Variants in CATSPER2 observed in about 807,000 individuals in gnomAD.
The protein encoded by CATSPER2 is cation channel sperm-associated protein 2.
In CATSPER2, 56 loss-of-function variants were observed where a neutral mutation model predicts 68.8. That is an observed-to-expected ratio of 0.81 (90% CI 0.66 to 1.02). The LOEUF (loss-of-function observed/expected upper bound fraction) is 1.02, where lower values mean the gene tolerates loss of function less well. Ranked by LOEUF, CATSPER2 falls within the 50% of genes least tolerant of loss-of-function variation. CATSPER2 has a pLI of 0.00. For missense variants in CATSPER2, 582 were observed against 642.0 expected, an observed-to-expected ratio of 0.91 and a Z score of 1.01; for synonymous variants, 198 against 229.9, an observed-to-expected ratio of 0.86 and a Z score of 1.26.
At chr15:43,644,646 G>A (rs1440710306) in intron 4 of CATSPER2, among the ~76,000 whole-genome samples, 1 of 151,894 alleles carries the variant, frequency 6.6e-6, no homozygotes, top group Non-Finnish European at 1.5e-5. Flanking sequence ...TCTCACAGGA[G>A]GGCGAGCCCT....
intron 7 of CATSPER2, 27 bp downstream of exon 7, chr15:43,638,877 C>A: frequency 1.2e-6 from 2 of 1,611,972 alleles, no homozygotes; most frequent in African/African-American, 2.7e-5. Flanking sequence ...TTTCTCCCCT[C>A]ACCCAGCTGT....
intron 11 of CATSPER2, 33 bp from the exon 12 acceptor site, chr15:43,632,396 T>C (rs2085890455): frequency 4.3e-6 from 7 of 1,611,378 alleles, no homozygotes; most frequent in African/African-American, 4.0e-5. Context: ...AAAGCACGTC[T>C]AGATTTGTAA....
rs35358802 is a variant in CATSPER2 at position 43,634,367 on chromosome 15, C to T, written c.1178+993G>A. The T allele has an allele frequency of 7.1e-3, 1,085 of 151,936 alleles. 15 individuals carry two copies. The highest frequency in any genetic ancestry group is 0.011 in the Non-Finnish European group (773 of 67,962). 9.4% of individuals were successfully genotyped at this position (151,936 alleles called of 1,614,324 possible). A position where few individuals can be genotyped will look rare whatever the true frequency, so the allele number is the denominator to read the frequency against. On this transcript the variant is annotated intron_variant, in intron 10 of 12. Coordinates refer to ENST00000396879, the MANE Select transcript of CATSPER2 (RefSeq NM_172095.4). ...TCCTAAGTAGCTGGGACCACAGGAA[C>T]ACACCACCACATCCAGCTAATTTTT...
At chr15:43,641,118 T>G (rs1296065747) in intron 4 of CATSPER2, among the ~76,000 whole-genome samples, 1 of 137,870 alleles carries the variant, frequency 7.3e-6, no homozygotes, top group African/African-American at 3.3e-5. Flanking sequence ...GTTTTTTGTT[T>G]TTTGTTTTTT....
intron 7 of CATSPER2, 79 bp from the exon 8 acceptor site, chr15:43,636,298 A>G (rs1200581407): frequency 1.3e-6 from 2 of 1,557,760 alleles, no homozygotes; most frequent in African/African-American, 2.7e-5. Context: ...CTTTTAAAGA[A>G]ACATAAAGCA....
intron 4 of CATSPER2, among the ~76,000 whole-genome samples, chr15:43,646,129 T>C (rs1035264340): frequency 2.6e-5 from 4 of 151,838 alleles, no homozygotes; most frequent in Non-Finnish European, 4.4e-5. Context: ...CAGAAAAGGT[T>C]AATTCAAACA....
Position 43,639,534 on chromosome 15 carries a change from G to A in CATSPER2, c.717+109C>T, listed in dbSNP as rs35740631. ...TCCCCCTCGGCTTCCCAAAGTGCTGGGATTACAGGCGTGAGCCACCGCACC... is the reference window on the plus strand; with the variant it reads ...TCCCCCTCGGCTTCCCAAAGTGCTGAGATTACAGGCGTGAGCCACCGCACC... On this transcript the variant is annotated intron_variant, in intron 6 of 12. Coordinates refer to ENST00000396879, the MANE Select transcript of CATSPER2 (RefSeq NM_172095.4). 0.16 allele frequency: 256,303 copies of A among 1,584,652 alleles called. 24,410 individuals are homozygous for A. The highest frequency in any genetic ancestry group is 0.25 in the Middle Eastern group (1,095 of 4,384).
chr15:43,646,041 TTTATAC>T (rs2086157224), intron 4 of CATSPER2, among the ~76,000 whole-genome samples: 1 of 151,986 alleles, frequency 6.6e-6, no homozygotes, highest in African/African-American at 2.4e-5. Flanking sequence ...AGCTTTCTTA[TTTATAC>T]TTAATCTTTC....
chr15:43,644,163 AT>A (rs1455948978), intron 4 of CATSPER2, among the ~76,000 whole-genome samples: 1 of 151,986 alleles, frequency 6.6e-6, no homozygotes, highest in Non-Finnish European at 1.5e-5. Flanking sequence ...GTGGAAGCAG[AT>A]TTTTTTAAAG....
At chr15:43,646,939 A>C in intron 4 of CATSPER2, 111 bp downstream of exon 4, 1 of 911,324 alleles carries the variant, frequency 1.1e-6, no homozygotes, top group Non-Finnish European at 1.8e-6. Context: ...CTGGTCTCCA[A>C]CTCCTGAGCT....
At chr15:43,633,181 T>C in intron 10 of CATSPER2, 1 of 522,524 alleles carries the variant, frequency 1.9e-6, no homozygotes, top group Non-Finnish European at 3.4e-6. Flanking sequence ...AATATATCTT[T>C]TCTCAATAAC....
At chr15:43,646,854 A>C (rs1463227790) in intron 4 of CATSPER2, among the ~76,000 whole-genome samples, 196 bp downstream of exon 4, 2 of 151,502 alleles carry the variant, frequency 1.3e-5, no homozygotes, top group Non-Finnish European at 2.9e-5. Flanking sequence ...AGCTGGGACT[A>C]CAAGCGCGTG....
Position 43,648,063 on chromosome 15 carries a change from T to G in CATSPER2, c.-2A>C. On this transcript the variant is annotated splice_region_variant and 5_prime_UTR_variant, in exon 2 of 13. Transcript: ENST00000396879. ...CTCTTCTTGTTGGTAAGCGGCCATG[T>G]CTGCTAAGAAAATGTAAGCATCAAG... 3 of 1,613,600 alleles carry G rather than the reference T, an allele frequency of 1.9e-6. No homozygotes were observed. The highest frequency in any genetic ancestry group is 2.5e-6 in the Non-Finnish European group (3 of 1,179,690).
chr15:43,638,286 C>CTTTTTTTTTTTTTTTTTTTTT (rs71460446), intron 7 of CATSPER2, among the ~76,000 whole-genome samples: 5 of 81,866 alleles, frequency 6.1e-5, no homozygotes, highest in East Asian at 4.0e-4. Context: ...TTCTTTCTTT[C>CTTTTTTTTTTTTTTTTTTTTT]TTTTTTTTTT....
intron 7 of CATSPER2, among the ~76,000 whole-genome samples, chr15:43,637,347 A>G (rs2085982236): frequency 6.6e-6 from 1 of 151,926 alleles, no homozygotes; most frequent in Non-Finnish European, 1.5e-5. Flanking sequence ...TATAAAATTA[A>G]TATTTAAAAA....
intron 7 of CATSPER2, chr15:43,637,720 G>A (rs2085988735): frequency 1.3e-5 from 2 of 151,906 alleles, no homozygotes; most frequent in Admixed American, 6.6e-5. Flanking sequence ...TTTAGTACAT[G>A]TGCTGCCGAA....
At position 43,647,956 on chromosome 15, in the gene CATSPER2, T is replaced by C; in HGVS notation, c.106A>G (p.Ser36Gly). The change falls in exon 2 of 13, where the codon AGC (serine) becomes GGC (glycine). Residue 36 changes from serine to glycine, a missense_variant. Around this residue, in one of 5 missense-constraint regions of CATSPER2, gnomAD observed 197 missense variants for 191.0 expected, o/e 1.03. Coordinates refer to ENST00000396879, the MANE Select transcript of CATSPER2 (RefSeq NM_172095.4). ...ATAGTGTGCCGCGGCACAGCTTGGCTCAAGCCTTGCAAATGCTCAATGAGA... is the reference window on the plus strand; with the variant it reads ...ATAGTGTGCCGCGGCACAGCTTGGCCCAAGCCTTGCAAATGCTCAATGAGA... The part of the protein sequence containing the change: ...FSLIEHLQGL[S>G]QAVPRHTIRE... The C allele has an allele frequency of 6.2e-7, 1 of 1,613,692 alleles. No homozygotes were observed. The highest frequency in any genetic ancestry group is 1.1e-5 in the South Asian group (1 of 91,044).
At chr15:43,644,120 T>C (rs566970945) in intron 4 of CATSPER2, among the ~76,000 whole-genome samples, 3 of 152,178 alleles carry the variant, frequency 2.0e-5, no homozygotes, top group Non-Finnish European at 2.9e-5. Context: ...AATTGGTGTT[T>C]AAAATGCAAA....
intron 3 of CATSPER2, 26 bp downstream of exon 3, chr15:43,647,268 T>TA (rs749760832): frequency 6.3e-7 from 1 of 1,599,286 alleles, no homozygotes; most frequent in Non-Finnish European, 8.6e-7. Flanking sequence ...ACAGCCAGGA[T>TA]AAAAATGAGT....
Sources: gnomAD v4.1 joint callset for allele counts (sites outside exome capture counted in the v4.1 genomes callset) on GRCh38, gnomAD v4.1.1 for gene constraint, gnomAD v4.1.1 regional missense constraint, MANE v1.5 for transcripts, NCBI Gene and HGNC (gene_info 2026-07-23, HGNC 2026-07-21) for gene names.